The following GPC5 variants were observed in gnomAD, a reference collection of about 807,000 sequenced individuals.
GPC5 encodes glypican 5, also known as glypican-5.
A neutral mutation model predicts 53.9 loss-of-function variants in GPC5; 47 were observed. The observed-to-expected ratio is 0.87, with a 90% CI of 0.69 to 1.11. The LOEUF is 1.11. GPC5 is among the 50% of genes most tolerant of loss of function. GPC5 has a pLI of 0.00. For synonymous variants in GPC5, 286 were observed against 263.3 expected, an observed-to-expected ratio of 1.09 and a Z score of -0.84; for missense variants, 748 against 713.1, an observed-to-expected ratio of 1.05 and a Z score of -0.56.
chr13:92,276,035 A>G (rs904718314), intron 7 of GPC5, among the ~76,000 whole-genome samples: 8 of 152,140 alleles, frequency 5.3e-5, no homozygotes, highest in African/African-American at 1.9e-4. Context: ...TTATCAGTTC[A>G]TTTAGAAAAT....
At chr13:92,626,602 G>A (rs1447210494) in intron 7 of GPC5, among the ~76,000 whole-genome samples, 1 of 152,174 alleles carries the variant, frequency 6.6e-6, no homozygotes, top group Non-Finnish European at 1.5e-5. Context: ...TACATTTTGA[G>A]TCTCTTTTTA....
intron 7 of GPC5, among the ~76,000 whole-genome samples, chr13:92,683,548 G>T (rs890365640): frequency 6.6e-6 from 1 of 152,146 alleles, no homozygotes; most frequent in Non-Finnish European, 1.5e-5. Context: ...AACTGATGAG[G>T]ATTGATGTGG....
At chr13:92,122,218 C>T (rs1274085783) in intron 6 of GPC5, among the ~76,000 whole-genome samples, 2 of 151,664 alleles carry the variant, frequency 1.3e-5, no homozygotes, top group Non-Finnish European at 2.9e-5. Flanking sequence ...TTTGTCTTTG[C>T]AGTGACAATT....
chr13:91,478,539 A>AT (rs1429500906), intron 2 of GPC5, among the ~76,000 whole-genome samples: 1 of 151,536 alleles, frequency 6.6e-6, no homozygotes, highest in African/African-American at 2.4e-5. Flanking sequence ...TATTTTTCAC[A>AT]TTTTATCTTG....
chr13:91,408,431 A>G (rs1877486934), intron 1 of GPC5, among the ~76,000 whole-genome samples: 1 of 151,936 alleles, frequency 6.6e-6, no homozygotes, highest in African/African-American at 2.4e-5. Flanking sequence ...TCATATCCAC[A>G]TTTTCTTTGT....
chr13:92,385,684 CAT>C (rs1286229498), intron 7 of GPC5, among the ~76,000 whole-genome samples: 1 of 141,338 alleles, frequency 7.1e-6, no homozygotes, highest in Admixed American at 7.4e-5. Context: ...TATATACACA[CAT>C]ATATACCTAT....
At chr13:91,718,063 T>G (rs1384979717) in intron 3 of GPC5, among the ~76,000 whole-genome samples, 5 of 152,188 alleles carry the variant, frequency 3.3e-5, no homozygotes. Context: ...TTTACATGTC[T>G]AGAGATATTA....
intron 7 of GPC5, among the ~76,000 whole-genome samples, chr13:92,264,186 C>T (rs2042785158): frequency 6.6e-6 from 1 of 151,816 alleles, no homozygotes; most frequent in Non-Finnish European, 1.5e-5. Flanking sequence ...GTATGCTAGT[C>T]TAAATTATCA....
chr13:92,048,397 A>C (rs1360091933), intron 6 of GPC5, among the ~76,000 whole-genome samples: 1 of 152,166 alleles, frequency 6.6e-6, no homozygotes, highest in African/African-American at 2.4e-5. Context: ...CTTTTGATAC[A>C]TCCCACCAAA....
At chr13:92,578,172 G>A (rs1466877029) in intron 7 of GPC5, among the ~76,000 whole-genome samples, 3 of 152,100 alleles carry the variant, frequency 2.0e-5, no homozygotes, top group African/African-American at 7.2e-5. Context: ...GGTGCAGTTG[G>A]GCTTATGGAA....
At chr13:91,916,896 G>A (rs2139010453) in intron 6 of GPC5, among the ~76,000 whole-genome samples, 1 of 152,182 alleles carries the variant, frequency 6.6e-6, no homozygotes, top group Middle Eastern at 3.4e-3. Context: ...TTGACATAAG[G>A]GGGTTATGGG....
intron 7 of GPC5, among the ~76,000 whole-genome samples, chr13:92,480,177 A>G (rs1879294979): frequency 1.3e-5 from 2 of 152,272 alleles, no homozygotes; most frequent in African/African-American, 4.8e-5. Flanking sequence ...AGAATCTTCA[A>G]TACAAACAGT....
intron 6 of GPC5, among the ~76,000 whole-genome samples, chr13:92,072,599 A>T (rs2041222189): frequency 2.4e-5 from 3 of 122,586 alleles, no homozygotes; most frequent in African/African-American, 6.3e-5. Context: ...TTTTATACAG[A>T]GTCTTACCCT....
intron 7 of GPC5, among the ~76,000 whole-genome samples, chr13:92,684,246 T>C (rs1274132636): frequency 6.6e-6 from 1 of 152,010 alleles, no homozygotes; most frequent in Non-Finnish European, 1.5e-5. Context: ...TTTTATGGCT[T>C]TCTTTCTCTT....
At chr13:91,581,039 C>A (rs2032341741) in intron 2 of GPC5, among the ~76,000 whole-genome samples, 1 of 152,100 alleles carries the variant, frequency 6.6e-6, no homozygotes, top group African/African-American at 2.4e-5. Context: ...CTTGTAAAAC[C>A]ATCAGATCTT....
chr13:91,829,154 A>G (rs573749733), intron 5 of GPC5, among the ~76,000 whole-genome samples: 14 of 152,122 alleles, frequency 9.2e-5, no homozygotes, highest in Admixed American at 3.9e-4. Flanking sequence ...AAGGCTACAC[A>G]TGACCTCTAT....
intron 7 of GPC5, among the ~76,000 whole-genome samples, chr13:92,861,378 C>CTGTA (rs1879176078): frequency 6.6e-6 from 1 of 152,154 alleles, no homozygotes; most frequent in Non-Finnish European, 1.5e-5. Flanking sequence ...TAATGAAGGG[C>CTGTA]TGTACCCTTG....
intron 6 of GPC5, among the ~76,000 whole-genome samples, chr13:92,068,487 T>A (rs1399616166): frequency 1.3e-5 from 2 of 151,682 alleles, no homozygotes; most frequent in Non-Finnish European, 3.0e-5. Context: ...TCTTTCTTGC[T>A]AATTCTTACA....
chr13:92,267,270 C>T (rs1343617521), intron 7 of GPC5, among the ~76,000 whole-genome samples: 1 of 151,926 alleles, frequency 6.6e-6, no homozygotes, highest in African/African-American at 2.4e-5. Flanking sequence ...TAAGATTTTG[C>T]TAGATTATAT....
Sources: allele counts gnomAD v4.1 joint callset (sites outside exome capture counted in the v4.1 genomes callset), GRCh38; gene constraint gnomAD v4.1.1; transcripts MANE v1.5; gene names NCBI Gene and HGNC (gene_info 2026-07-23, HGNC 2026-07-21).